Variants in FGA observed in about 807,000 individuals in gnomAD.
The protein encoded by FGA is fibrinogen, A alpha polypeptide.
A neutral mutation model predicts 20.3 loss-of-function variants in FGA; 20 were observed. The ratio of observed to expected loss-of-function variants is 0.99; its 90% CI spans 0.69 to 1.43. FGA has a LOEUF of 1.43. Among genes scored for constraint, FGA ranks in the 40% most tolerant of loss-of-function variants. The probability of loss-of-function intolerance (pLI) is 0.00; values close to 1 mark genes in which losing one functional copy is unlikely to be tolerated. For synonymous variants in FGA, 306 were observed against 281.6 expected (o/e 1.09, Z -0.87); for missense variants, 777 against 784.7 (o/e 0.99, Z 0.12).
At chr4:154,590,593 AC>A in intron 1 of FGA, 40 bp downstream of exon 1, 1 of 1,493,978 alleles carries the variant, frequency 6.7e-7, no homozygotes, top group Non-Finnish European at 9.1e-7. Flanking sequence ...TGGAATAAAC[AC>A]CAGAGAGAAA....
chr4:154,587,729 GAAGA>G, intron 3 of FGA, 72 bp from the exon 4 acceptor site: 1 of 868,114 alleles, frequency 1.2e-6, no homozygotes, highest in Non-Finnish European at 1.8e-6. Flanking sequence ...AAAAAGAAAG[GAAGA>G]AAGGAAGGAA....
At chr4:154,588,244 GC>G (rs1156242264) in intron 3 of FGA, among the ~76,000 whole-genome samples, 2 of 152,218 alleles carry the variant, frequency 1.3e-5, no homozygotes, top group East Asian at 3.8e-4. Context: ...AAAAGGCAAA[GC>G]AAAACTTGAG....
chr4:154,590,267 C>T (rs1340675632), intron 1 of FGA, among the ~76,000 whole-genome samples: 1 of 152,204 alleles, frequency 6.6e-6, no homozygotes, highest in African/African-American at 2.4e-5. Context: ...GAAAACAAAT[C>T]TTACCATAAA....
At chr4:154,584,571 G>T (rs1730663033), downstream of FGA, 1 of 1,613,998 alleles carries the variant, frequency 6.2e-7, no homozygotes, top group Non-Finnish European at 8.5e-7. Flanking sequence ...AGCCCCTTTG[G>T]GTTAGTAAGT....
intron 1 of FGA, among the ~76,000 whole-genome samples, 199 bp from the exon 2 acceptor site, chr4:154,589,761 G>A (rs1456847475): frequency 2.6e-5 from 4 of 152,200 alleles, no homozygotes; most frequent in African/African-American, 9.7e-5. Context: ...GAGTTGTTAT[G>A]AGAATTAAAG....
chr4:154,588,888 T>A lies in FGA; in HGVS notation c.269A>T (p.Asn90Ile). The change falls in exon 3 of 5, where the codon AAT becomes ATT. Residue 90 changes from asparagine to isoleucine, a missense_variant. Coordinates refer to ENST00000403106, the MANE Select transcript of FGA (RefSeq NM_021871.4). Reference protein sequence around the residue: ...DFTNRINKLKNSLFEYQKNNK... With the variant: ...DFTNRINKLKISLFEYQKNNK... ...GTTCTTCTGATATTCAAATAGTGAA[T>A]TTTTGAGCTTATTTATTCTGTTTGT... The A allele has an allele frequency of 6.2e-7, 1 of 1,611,980 alleles. No homozygotes were observed. The highest frequency in any genetic ancestry group is 1.1e-5 in the South Asian group (1 of 90,972).
At chr4:154,588,363 AT>A (rs367564607) in intron 3 of FGA, among the ~76,000 whole-genome samples, 133 of 152,296 alleles carry the variant, frequency 8.7e-4, no homozygotes, top group Non-Finnish European at 1.5e-3. Flanking sequence ...TATATTTTAA[AT>A]TTAAAAATCT....
chr4:154,586,101 C>T lies in FGA; in HGVS notation c.1328G>A (p.Arg443Lys). 1 of 1,614,158 alleles carries T rather than the reference C, an allele frequency of 6.2e-7. No homozygotes were observed. Among genetic ancestry groups the T allele is most frequent in the Non-Finnish European group, 8.5e-7 (1 of 1,180,020 alleles). ...AGAGGTGACCTTCTCTTTACCAGTCCTGAGCTCTTTATCTCCTTTAGAAGT... is the reference window on the plus strand; with the variant it reads ...AGAGGTGACCTTCTCTTTACCAGTCTTGAGCTCTTTATCTCCTTTAGAAGT... Reference protein sequence around the residue: ...LVTSKGDKELRTGKEKVTSGS... With the variant: ...LVTSKGDKELKTGKEKVTSGS... The change falls in exon 5 of 5, where the codon AGG becomes AAG. Residue 443 changes from arginine to lysine, a missense_variant. Coordinates refer to ENST00000403106, the MANE Select transcript of FGA (RefSeq NM_021871.4).
Position 154,589,595 on chromosome 4 carries a change from G to A in FGA, c.55-33C>T, listed in dbSNP as rs775597857. 2.6e-5 allele frequency: 42 copies of A among 1,608,792 alleles called. 2 individuals are homozygous for A. The East Asian group carries it at 4.2e-4, about 16-fold the overall frequency. On this transcript the variant is annotated intron_variant, in intron 1 of 4. Coordinates refer to ENST00000403106, the MANE Select transcript of FGA (RefSeq NM_021871.4). Reference sequence around the variant, plus strand: ...GATTCATTCACATACACAAAAGAGAGCAACAGCAATGTTAGCCAGAAGAGG... The same window carrying A: ...GATTCATTCACATACACAAAAGAGAACAACAGCAATGTTAGCCAGAAGAGG...
chr4:154,584,645 T>A, downstream of FGA: 1 of 1,614,094 alleles, frequency 6.2e-7, no homozygotes, highest in East Asian at 2.2e-5. Context: ...CCGAAACCTC[T>A]CTTGTAGTCT....
Position 154,588,841 on chromosome 4 carries a change from T to C in FGA, c.316A>G (p.Thr106Ala), listed in dbSNP as rs780998810. Residue 106 changes from threonine (T) to alanine (A), a missense_variant, in exon 3 of 5, where the codon ACC becomes GCC. By Grantham distance (58) the Thr-to-Ala change is moderately conservative. Coordinates refer to ENST00000403106, the MANE Select transcript of FGA (RefSeq NM_021871.4). ...CTCAAAATTTCCATTATATTAGTGG[T>C]CAACGAATGAGAATCCTTATTGTTC... ...QKNNKDSHSL[T>A]TNIMEILRGD... is the part of the protein sequence containing the mutation. The C allele has an allele frequency of 6.2e-7, 1 of 1,612,294 alleles. No homozygotes were observed. The highest frequency in any genetic ancestry group is 1.1e-5 in the South Asian group (1 of 91,002).
In FGA at chr4:154,590,634, C is replaced by T; in HGVS notation, c.54G>A (p.Trp18Ter). Reference protein sequence around the residue: ...CLVLSVVGTAWTADSGEGDFL... With the variant: ...CLVLSVVGTA ...GAAGAAAAAATGAAAAGGGCCATACCCATGCTGTGCCCACCACACTTAGGA... is the reference window on the plus strand; with the variant it reads ...GAAGAAAAAATGAAAAGGGCCATACTCATGCTGTGCCCACCACACTTAGGA... The change falls in exon 1 of 5, where the codon TGG becomes TGA. Residue 18 changes from tryptophan to a stop codon, truncating the protein, a stop_gained and splice_region_variant. Coordinates refer to ENST00000403106, the MANE Select transcript of FGA (RefSeq NM_021871.4). LOFTEE classifies it high-confidence loss of function. The T allele has an allele frequency of 6.4e-7, 1 of 1,556,052 alleles. No homozygotes were observed. The highest frequency in any genetic ancestry group is 8.7e-7 in the Non-Finnish European group (1 of 1,148,992).
Position 154,586,797 on chromosome 4 carries a change from T to C in FGA, c.632A>G (p.Asp211Gly). The C allele has an allele frequency of 6.2e-7, 1 of 1,614,184 alleles. No homozygotes were observed. Among genetic ancestry groups the C allele is most frequent in the Non-Finnish European group, 8.5e-7 (1 of 1,180,030 alleles). ...QKQLEQVIAK[D>G]LLPSRDRQHL... ...TTGCCTATCTCTAGAGGGAAGTAAG[T>C]CTTTGGCAATGACCTGTTCAAGTTG... is the stretch of plus-strand genomic sequence containing the variant. The change falls in exon 5 of 5, where the codon GAC becomes GGC. Residue 211 changes from aspartate to glycine, a missense_variant. Transcript: ENST00000403106.
intron 3 of FGA, 140 bp from the exon 4 acceptor site, chr4:154,587,797 A>AAGAAAGAAAGAG (rs1730774305): frequency 1.4e-6 from 1 of 694,162 alleles, no homozygotes; most frequent in East Asian, 2.8e-5. Context: ...GAAAGAAAGA[A>AAGAAAGAAAGAG]AGAAAGAGAA....
chr4:154,587,209 ATG>A (rs1730749178), intron 4 of FGA, among the ~76,000 whole-genome samples: 1 of 152,196 alleles, frequency 6.6e-6, no homozygotes, highest in Non-Finnish European at 1.5e-5. Context: ...CGCTAATTAA[ATG>A]ATCCTTGGTG....
downstream of FGA, chr4:154,584,969 G>T: frequency 1.3e-6 from 1 of 789,578 alleles, no homozygotes; most frequent in Non-Finnish European, 2.1e-6. Flanking sequence ...TCCCTCCATA[G>T]GGAAAGGATG....
rs1322431636 is a variant in FGA at position 154,585,790 on chromosome 4, T to C, written c.1639A>G (p.Arg547Gly). ...GTGAAGATGCCAGATTCTGAGCCCC[T>C]AGACTCAGTCTCACTGACAAACTCT... ...LGEFVSETESRGSESGIFTNT... is the reference protein window; with the variant it reads ...LGEFVSETESGGSESGIFTNT... Residue 547 changes from arginine to glycine, a missense_variant, in exon 5 of 5, where the codon AGG becomes GGG. Physicochemically the swap from Arg to Gly is moderately radical, Grantham distance 125. Transcript: ENST00000403106. 6.2e-7 allele frequency: 1 copy of C among 1,614,064 alleles called. No individual in the cohort carries two copies. The highest frequency in any genetic ancestry group is 8.5e-7 in the Non-Finnish European group (1 of 1,180,024).
In FGA at chr4:154,587,674, G is replaced by A; in HGVS notation, c.365-17C>T. Reference sequence around the variant, plus strand: ...TATCACGGTCTGAAATCGAAAATATGGTTATTGAAGTAGCTGCTGAGTGAT... The same window carrying A: ...TATCACGGTCTGAAATCGAAAATATAGTTATTGAAGTAGCTGCTGAGTGAT... On this transcript the variant is annotated splice_polypyrimidine_tract_variant and intron_variant, in intron 3 of 4. Coordinates refer to ENST00000403106, the MANE Select transcript of FGA (RefSeq NM_021871.4). 6.2e-7 allele frequency: 1 copy of A among 1,610,584 alleles called. No homozygotes were observed. Among genetic ancestry groups the A allele is most frequent in the South Asian group, 1.1e-5 (1 of 91,012 alleles).
In FGA at chr4:154,585,669, GTGCTACTAGTAAATTGTT is replaced by G; in HGVS notation, c.1742_1759del (p.Lys581_Ser586del). Reference sequence around the variant, plus strand: ...TGTGGAGTCTCCTCTGTTGTAACTCGTGCTACTAGTAAATTGTTTGCTGTAACTTGAAGATTTACCACG... The same window carrying G: ...TGTGGAGTCTCCTCTGTTGTAACTCGTGCTGTAACTTGAAGATTTACCACG... On this transcript the variant is annotated inframe_deletion, in exon 5 of 5. Coordinates refer to ENST00000403106, the MANE Select transcript of FGA (RefSeq NM_021871.4). 6.2e-7 allele frequency: 1 copy of G among 1,614,088 alleles called. No individual in the cohort carries two copies. Among genetic ancestry groups the G allele is most frequent in the Non-Finnish European group, 8.5e-7 (1 of 1,180,010 alleles).
Sources: allele counts gnomAD v4.1 joint callset (sites outside exome capture counted in the v4.1 genomes callset), GRCh38; gene constraint gnomAD v4.1.1; transcripts MANE v1.5; gene names NCBI Gene and HGNC (gene_info 2026-07-23, HGNC 2026-07-21).